Variants in FMN1 observed in about 807,000 individuals in gnomAD.
The protein encoded by FMN1 is formin-1.
In FMN1, 110 loss-of-function variants were observed where a neutral mutation model predicts 132.4. The ratio of observed to expected loss-of-function variants is 0.83; its 90% CI spans 0.71 to 0.97. The LOEUF is 0.97. Ranked by LOEUF, FMN1 falls within the 50% of genes least tolerant of loss-of-function variation. The pLI, the probability that FMN1 is intolerant of heterozygous loss-of-function variation, is 0.00. For missense variants in FMN1, 1,792 were observed against 1,705.3 expected (o/e 1.05, Z -0.90); for synonymous variants, 722 against 651.7 (o/e 1.11, Z -1.64).
intron 4 of FMN1, among the ~76,000 whole-genome samples, chr15:33,143,725 T>A (rs868270840): frequency 1.3e-5 from 2 of 152,200 alleles, no homozygotes; most frequent in African/African-American, 4.8e-5. Context: ...GCCTTATCAC[T>A]GTAAGTTGGA....
intron 4 of FMN1, among the ~76,000 whole-genome samples, chr15:33,092,234 A>G (rs560983754): frequency 1.1e-4 from 16 of 152,336 alleles, no homozygotes; most frequent in Non-Finnish European, 2.2e-4. Flanking sequence ...TTTGCTGTCA[A>G]TTATCAAAAC....
At chr15:32,803,661 C>T (rs1189120226) in intron 18 of FMN1, among the ~76,000 whole-genome samples, 2 of 152,174 alleles carry the variant, frequency 1.3e-5, no homozygotes, top group Non-Finnish European at 2.9e-5. Flanking sequence ...TTATAATATC[C>T]TCCTCTAGAA....
At chr15:33,054,602 C>T (rs1336620016) in intron 6 of FMN1, among the ~76,000 whole-genome samples, 2 of 152,180 alleles carry the variant, frequency 1.3e-5, no homozygotes, top group African/African-American at 4.8e-5. Flanking sequence ...ATTACCCTTT[C>T]CCTCCTCTTC....
intron 6 of FMN1, among the ~76,000 whole-genome samples, chr15:33,043,731 A>T (rs1331336730): frequency 6.6e-6 from 1 of 152,238 alleles, no homozygotes; most frequent in Non-Finnish European, 1.5e-5. Flanking sequence ...AGGCATGGCC[A>T]GGGCTACATG....
chr15:32,846,282 G>A (rs779793180), intron 17 of FMN1, among the ~76,000 whole-genome samples: 2 of 152,172 alleles, frequency 1.3e-5, no homozygotes, highest in Non-Finnish European at 2.9e-5. Flanking sequence ...ACTAGCATCA[G>A]AGTGAACAGG....
intron 16 of FMN1, among the ~76,000 whole-genome samples, chr15:32,882,878 A>G (rs2059804210): frequency 6.6e-6 from 1 of 152,256 alleles, no homozygotes; most frequent in African/African-American, 2.4e-5. Context: ...TTTGGGGCCC[A>G]ATAGCACTGA....
chr15:33,035,623 G>C (rs1239700809), intron 6 of FMN1, among the ~76,000 whole-genome samples: 1 of 152,104 alleles, frequency 6.6e-6, no homozygotes, highest in Non-Finnish European at 1.5e-5. Context: ...TTCTCAGTGA[G>C]GCCTGCCTGC....
rs966619366 is a variant in FMN1, at chr15:32,767,788, C to A, written c.*6522G>T. 2.0e-5 allele frequency: 3 copies of A among 151,910 alleles called. No individual in the cohort carries two copies. The highest frequency in any genetic ancestry group is 4.4e-5 in the Non-Finnish European group (3 of 68,002). The allele number at this position is 151,910 out of a possible 1,614,324, so 9.4% of individuals were successfully genotyped here. Reference sequence around the variant, plus strand: ...AGTAGACCTATCCCTTAGGTAGATCCCCAAAACCTATTTGTGTCATTGCGA... The same window carrying A: ...AGTAGACCTATCCCTTAGGTAGATCACCAAAACCTATTTGTGTCATTGCGA... On this transcript the variant is annotated 3_prime_UTR_variant, in exon 21 of 21. Transcript: ENST00000616417.
At chr15:33,100,153 C>T (rs376620993) in intron 4 of FMN1, among the ~76,000 whole-genome samples, 5 of 149,276 alleles carry the variant, frequency 3.3e-5, no homozygotes, top group African/African-American at 9.9e-5. Context: ...AGTTTTAGTG[C>T]CTAACGAAAT....
intron 6 of FMN1, among the ~76,000 whole-genome samples, chr15:33,038,616 T>G (rs1054763373): frequency 4.6e-5 from 7 of 152,216 alleles, no homozygotes; most frequent in Non-Finnish European, 1.0e-4. Context: ...AAACAACACG[T>G]AAGATTTAAT....
At chr15:33,027,216 C>A (rs2035718629) in intron 6 of FMN1, among the ~76,000 whole-genome samples, 1 of 151,986 alleles carries the variant, frequency 6.6e-6, no homozygotes. Flanking sequence ...GAAGCCTAGC[C>A]CATACCTCCA....
intron 16 of FMN1, among the ~76,000 whole-genome samples, chr15:32,866,494 C>G (rs1314460806): frequency 1.3e-5 from 2 of 152,192 alleles, no homozygotes; most frequent in African/African-American, 4.8e-5. Flanking sequence ...AGATAACATA[C>G]TGTACGCGGC....
At chr15:32,904,052 TG>T (rs1378275901) in intron 12 of FMN1, among the ~76,000 whole-genome samples, 2 of 152,116 alleles carry the variant, frequency 1.3e-5, no homozygotes, top group Non-Finnish European at 2.9e-5. Context: ...GCATTTACAG[TG>T]TGTCAGGGAC....
chr15:33,134,377 G>GT (rs1387632250), intron 4 of FMN1, among the ~76,000 whole-genome samples: 1 of 152,192 alleles, frequency 6.6e-6, no homozygotes, highest in Non-Finnish European at 1.5e-5. Flanking sequence ...GGATGCTGAG[G>GT]TAACAGTTCC....
chr15:32,946,201 T>G (rs528954314), intron 9 of FMN1, among the ~76,000 whole-genome samples: 1 of 152,310 alleles, frequency 6.6e-6, no homozygotes, highest in African/African-American at 2.4e-5. Flanking sequence ...AGTCTTATCC[T>G]CCTTCTTACT....
intron 9 of FMN1, among the ~76,000 whole-genome samples, chr15:32,942,456 T>G (rs1490470848): frequency 6.6e-6 from 1 of 152,210 alleles, no homozygotes; most frequent in Non-Finnish European, 1.5e-5. Context: ...TGCCTGAGCT[T>G]GGCAGACAGG....
At chr15:32,981,805 A>G (rs2032698468) in intron 7 of FMN1, among the ~76,000 whole-genome samples, 1 of 152,154 alleles carries the variant, frequency 6.6e-6, no homozygotes, top group Non-Finnish European at 1.5e-5. Flanking sequence ...TACACATATC[A>G]AAACACAATA....
intron 4 of FMN1, among the ~76,000 whole-genome samples, chr15:33,146,450 CT>C (rs1033904963): frequency 5.9e-5 from 9 of 152,158 alleles, no homozygotes; most frequent in Non-Finnish European, 4.4e-5. Context: ...TCAAATCCGT[CT>C]GTATCCCATA....
At chr15:33,167,143 A>G (rs1965140590) in intron 3 of FMN1, among the ~76,000 whole-genome samples, 2 of 152,178 alleles carry the variant, frequency 1.3e-5, no homozygotes, top group Non-Finnish European at 2.9e-5. Context: ...CTGTGTCCCC[A>G]CCCAAATCTC....
Sources: gnomAD v4.1 joint callset for allele counts (sites outside exome capture counted in the v4.1 genomes callset) on GRCh38, gnomAD v4.1.1 for gene constraint, MANE v1.5 for transcripts, NCBI Gene and HGNC (gene_info 2026-07-23, HGNC 2026-07-21) for gene names.